The following NR5A2 variants were observed in gnomAD, a reference collection of about 807,000 sequenced individuals.
NR5A2 encodes the protein nuclear receptor subfamily 5 group A member 2.
A neutral mutation model predicts 62.7 loss-of-function variants in NR5A2; 26 were observed. The observed-to-expected ratio is 0.41, with a 90% CI of 0.30 to 0.58. The LOEUF is 0.58. Ranked by LOEUF, NR5A2 falls within the 20% of genes least tolerant of loss-of-function variation. NR5A2 has a pLI of 0.22. For missense variants in NR5A2, 541 were observed against 669.1 expected (o/e 0.81, Z 2.11); for synonymous variants, 246 against 241.7 (o/e 1.02, Z -0.16).
At chr1:200,162,105 T>C (rs1464710514) in intron 7 of NR5A2, among the ~76,000 whole-genome samples, 1 of 152,228 alleles carries the variant, frequency 6.6e-6, no homozygotes, top group Non-Finnish European at 1.5e-5. Flanking sequence ...GATTCTCTTA[T>C]TCGACAAATG....
At chr1:200,157,454 A>G (rs951681338) in intron 7 of NR5A2, among the ~76,000 whole-genome samples, 2 of 152,236 alleles carry the variant, frequency 1.3e-5, no homozygotes, top group African/African-American at 4.8e-5. Flanking sequence ...TGATCAGATA[A>G]TAAGATATCT....
At chr1:200,112,671 A>C (rs1007556778) in intron 6 of NR5A2, among the ~76,000 whole-genome samples, 1 of 152,226 alleles carries the variant, frequency 6.6e-6, no homozygotes, top group African/African-American at 2.4e-5. Context: ...TGCACCTCTC[A>C]GGAGAAAAGC....
chr1:200,069,900 C>T (rs1304158013), intron 5 of NR5A2, among the ~76,000 whole-genome samples: 2 of 152,014 alleles, frequency 1.3e-5, no homozygotes. Context: ...ATAGTTATCT[C>T]TAAGATGAAC....
At chr1:200,137,848 C>A (rs1195514104) in intron 7 of NR5A2, among the ~76,000 whole-genome samples, 1 of 152,030 alleles carries the variant, frequency 6.6e-6, no homozygotes, top group Non-Finnish European at 1.5e-5. Context: ...AATTGGATAA[C>A]CACATGTGCT....
At chr1:200,093,947 G>A (rs889964032) in intron 5 of NR5A2, among the ~76,000 whole-genome samples, 2 of 152,076 alleles carry the variant, frequency 1.3e-5, no homozygotes, top group Non-Finnish European at 2.9e-5. Flanking sequence ...ACGAGGTTAG[G>A]AGTTCAAGAC....
rs550068596 is a variant in NR5A2, at chr1:200,086,954, A to G, written c.1111-24248A>G. Among the ~76,000 whole-genome samples, 84 of 152,212 alleles carry G rather than the reference A, an allele frequency of 5.5e-4. No individual in the cohort carries two copies. In the South Asian group the frequency reaches 0.012, roughly 21 times the overall value. ...CTCAGGAGGCTGAGGCAGGAAAATC[A>G]CTTGAACCTGGGAGGTGGAGGTTGC... On this transcript the variant is annotated intron_variant, in intron 5 of 7. Transcript: ENST00000367362.
chr1:200,031,071 T>G (rs977962862), intron 1 of NR5A2, among the ~76,000 whole-genome samples: 1 of 152,236 alleles, frequency 6.6e-6, no homozygotes, highest in Non-Finnish European at 1.5e-5. Context: ...ATTCTCATAG[T>G]TGGGGCTTAG....
At chr1:200,045,321 G>T in intron 3 of NR5A2, 122 bp from the exon 4 acceptor site, 2 of 799,630 alleles carry the variant, frequency 2.5e-6, no homozygotes, top group Non-Finnish European at 3.7e-6. Flanking sequence ...ATAAACCACA[G>T]AACCACATAA....
At chr1:200,119,435 T>G (rs1666382246) in intron 6 of NR5A2, among the ~76,000 whole-genome samples, 1 of 152,078 alleles carries the variant, frequency 6.6e-6, no homozygotes, top group African/African-American at 2.4e-5. Context: ...TAAATGCACC[T>G]AAAAGAGTAT....
chr1:200,066,528 A>G (rs1199202643), intron 5 of NR5A2, among the ~76,000 whole-genome samples: 1 of 151,792 alleles, frequency 6.6e-6, no homozygotes, highest in Non-Finnish European at 1.5e-5. Flanking sequence ...AGCTCTTCCC[A>G]AAGATTTCTC....
intron 5 of NR5A2, among the ~76,000 whole-genome samples, chr1:200,053,654 G>A (rs148221650): frequency 2.0e-5 from 3 of 151,938 alleles, no homozygotes; most frequent in African/African-American, 7.2e-5. Context: ...TCCTTTGCCA[G>A]TGAAGCTAAA....
At chr1:200,146,005 A>G (rs1667684052) in intron 7 of NR5A2, among the ~76,000 whole-genome samples, 1 of 152,246 alleles carries the variant, frequency 6.6e-6, no homozygotes, top group Non-Finnish European at 1.5e-5. Flanking sequence ...AATTTTACTT[A>G]TCAAAAATTT....
intron 7 of NR5A2, among the ~76,000 whole-genome samples, chr1:200,129,890 C>A (rs1182631713): frequency 1.3e-5 from 2 of 152,150 alleles, no homozygotes; most frequent in Admixed American, 1.3e-4. Flanking sequence ...AAGCGATGAA[C>A]CCCCCAGAAA....
chr1:200,051,150 A>G (rs913462453), intron 5 of NR5A2, among the ~76,000 whole-genome samples: 9 of 152,212 alleles, frequency 5.9e-5, no homozygotes, highest in African/African-American at 2.2e-4. Flanking sequence ...GAATAAAACA[A>G]CATGTTTCCT....
intron 5 of NR5A2, among the ~76,000 whole-genome samples, chr1:200,083,264 A>G (rs1664373874): frequency 6.6e-6 from 1 of 152,242 alleles, no homozygotes; most frequent in South Asian, 2.1e-4. Flanking sequence ...TATAATACTC[A>G]GCTTATTTAT....
chr1:200,059,875 T>C (rs1487594505), intron 5 of NR5A2, among the ~76,000 whole-genome samples: 1 of 152,182 alleles, frequency 6.6e-6, no homozygotes, highest in East Asian at 1.9e-4. Context: ...CCATTTAAAC[T>C]ATTCTTCACG....
chr1:200,119,282 C>G (rs934764968), intron 6 of NR5A2, among the ~76,000 whole-genome samples: 2 of 152,178 alleles, frequency 1.3e-5, no homozygotes, highest in Admixed American at 1.3e-4. Flanking sequence ...TAGGAGGCAG[C>G]CCTGTGCCTT....
chr1:200,097,533 G>T (rs1227844899), intron 5 of NR5A2, among the ~76,000 whole-genome samples: 1 of 152,178 alleles, frequency 6.6e-6, no homozygotes, highest in African/African-American at 2.4e-5. Flanking sequence ...TGTATATCAG[G>T]ATGGCTGTGC....
intron 5 of NR5A2, among the ~76,000 whole-genome samples, chr1:200,108,031 A>G (rs1246591458): frequency 6.6e-6 from 1 of 151,882 alleles, no homozygotes; most frequent in African/African-American, 2.4e-5. Context: ...GGAACCATCA[A>G]ATGCAAATGA....
Sources: gnomAD v4.1 joint callset for allele counts (sites outside exome capture counted in the v4.1 genomes callset) on GRCh38, gnomAD v4.1.1 for gene constraint, MANE v1.5 for transcripts, NCBI Gene and HGNC (gene_info 2026-07-23, HGNC 2026-07-21) for gene names.